The following PPP2R5D variants were observed in gnomAD, a reference collection of about 807,000 sequenced individuals.
PPP2R5D encodes the protein serine/threonine-protein phosphatase 2A 56 kDa regulatory subunit delta isoform.
A neutral mutation model predicts 79.1 loss-of-function variants in PPP2R5D; 12 were observed. That is an observed-to-expected ratio of 0.15 (90% confidence interval 0.10 to 0.25). The LOEUF (loss-of-function observed/expected upper bound fraction) is 0.25, where lower values mean the gene tolerates loss of function less well. PPP2R5D is among the 10% of genes least tolerant of loss of function. The pLI is 1.00. For missense variants in PPP2R5D, 419 were observed against 760.2 expected (o/e 0.55, Z 5.28); for synonymous variants, 277 against 286.6 (o/e 0.97, Z 0.34).
In PPP2R5D at chr6:43,009,366, G is replaced by C; in HGVS notation, c.1296G>C (p.Met432Ile). Residue 432 changes from methionine to isoleucine, a missense_variant, in exon 12 of 16, where the codon ATG becomes ATC. Transcript: ENST00000485511. The surrounding 1 kb of genome is among the most constrained non-coding windows in gnomAD (Gnocchi z 5.6). ...ATTACTGGAACAATGAGTACATCAT[G>C]AGCCTGATAAGTGACAATGCTGCCC... is the stretch of plus-strand genomic sequence containing the variant. Reference protein sequence around the residue: ...ALYYWNNEYIMSLISDNAARV... With the variant: ...ALYYWNNEYIISLISDNAARV... 6.2e-7 allele frequency: 1 copy of C among 1,614,066 alleles called. No individual in the cohort carries two copies. Among genetic ancestry groups the C allele is most frequent in the Non-Finnish European group, 8.5e-7 (1 of 1,180,026 alleles).
chr6:43,001,885 C>CA (rs564567354), intron 2 of PPP2R5D, among the ~76,000 whole-genome samples: 11,461 of 80,600 alleles, frequency 0.14, 1,003 homozygotes, highest in African/African-American at 0.25. Context: ...GACTCTGTCT[C>CA]AAAAAAAAAA....
Position 43,012,310 on chromosome 6 carries a change from T to C in PPP2R5D, c.*1024T>C. On this transcript the variant is annotated 3_prime_UTR_variant, in exon 16 of 16. Transcript: ENST00000485511. ...TTGGGCTTGGACCGATGTCCCCATA[T>C]GTACAGAACTGAATAAAGTGGGTCT... 2 of 1,411,624 alleles carry C rather than the reference T, an allele frequency of 1.4e-6. No individual in the cohort carries two copies. The highest frequency in any genetic ancestry group is 1.8e-6 in the Non-Finnish European group (2 of 1,081,932). The allele number at this position is 1,411,624 out of a possible 1,614,324, so 87.4% of individuals were successfully genotyped here.
At chr6:43,002,351 G>A (rs185056222) in intron 2 of PPP2R5D, among the ~76,000 whole-genome samples, 1 of 152,222 alleles carries the variant, frequency 6.6e-6, no homozygotes, top group African/African-American at 2.4e-5. Context: ...CTTTAGTAGA[G>A]GCAGGGTTTC....
At position 43,008,978 on chromosome 6, in the gene PPP2R5D, A is replaced by G; in HGVS notation, c.1081-79A>G. ...CAAACTGTGCCCACCAGGGTGGGGG[A>G]GAGAGCAGGTAGGAAAACTTCCTGG... On this transcript the variant is annotated intron_variant, in intron 10 of 15. Coordinates refer to ENST00000485511, the MANE Select transcript of PPP2R5D (RefSeq NM_006245.4). The surrounding 1 kb of genome is among the most constrained non-coding windows in gnomAD (Gnocchi z 4.2). 1 of 1,509,790 alleles carries G rather than the reference A, an allele frequency of 6.6e-7. No individual in the cohort carries two copies. Among genetic ancestry groups the G allele is most frequent in the South Asian group, 1.2e-5 (1 of 81,860 alleles). 93.5% of individuals were successfully genotyped at this position (1,509,790 alleles called of 1,614,324 possible). A position where few individuals can be genotyped will look rare whatever the true frequency, so the allele number is the denominator to read the frequency against.
chr6:43,001,840 T>C (rs1461279195), intron 2 of PPP2R5D, among the ~76,000 whole-genome samples: 3 of 150,734 alleles, frequency 2.0e-5, no homozygotes, highest in East Asian at 2.0e-4. Flanking sequence ...TGAGCTGAGA[T>C]TGCGCCACTG....
In PPP2R5D at chr6:43,008,231, G is replaced by T; in HGVS notation, c.888G>T (p.Gly296=). The part of the protein sequence containing the change: ...RFIYETEHHN[G]IAELLEILGS... Reference sequence around the variant, plus strand: ...TCTACGAGACGGAGCATCACAACGGGATTGCTGAGCTCCTGGAGATCCTGG... The same window carrying T: ...TCTACGAGACGGAGCATCACAACGGTATTGCTGAGCTCCTGGAGATCCTGG... The change falls in exon 8 of 16, where the codon GGG becomes GGT. Residue 296 remains glycine, a synonymous_variant. Coordinates refer to ENST00000485511, the MANE Select transcript of PPP2R5D (RefSeq NM_006245.4). This position sits in a 1 kb window ranked among gnomAD's most constrained non-coding sequence, Gnocchi z 4.2. 1 of 1,614,182 alleles carries T rather than the reference G, an allele frequency of 6.2e-7. No individual in the cohort carries two copies. The highest frequency in any genetic ancestry group is 8.5e-7 in the Non-Finnish European group (1 of 1,180,034).
intron 2 of PPP2R5D, among the ~76,000 whole-genome samples, chr6:42,994,122 C>T (rs1436681576): frequency 1.3e-5 from 2 of 152,048 alleles, no homozygotes. Context: ...GCCTGGCCAA[C>T]ATGGTGAAAC....
intron 2 of PPP2R5D, among the ~76,000 whole-genome samples, chr6:42,993,244 C>A (rs1771399197): frequency 6.6e-6 from 1 of 150,982 alleles, no homozygotes; most frequent in Non-Finnish European, 1.5e-5. Context: ...ATGCAGTGAG[C>A]CGATATTGCA....
intron 1 of PPP2R5D, among the ~76,000 whole-genome samples, chr6:42,988,053 A>G (rs1228568593): frequency 1.1e-4 from 17 of 152,114 alleles, no homozygotes; most frequent in Admixed American, 1.1e-3. Context: ...GCTCAGGCCA[A>G]AGAAGGAACT....
At position 43,007,654 on chromosome 6, in the gene PPP2R5D, A is replaced by G; in HGVS notation, c.726+148A>G. On this transcript the variant is annotated intron_variant, in intron 6 of 15. Coordinates refer to ENST00000485511, the MANE Select transcript of PPP2R5D (RefSeq NM_006245.4). The surrounding 1 kb of genome is among the most constrained non-coding windows in gnomAD (Gnocchi z 4.5). The stretch of plus-strand genomic sequence containing the variant: ...GGCTATAAAGGGTAAAAAACAAAAC[A>G]AAACAAAACCCTACTCTGGCCTTAA... 1.1e-6 allele frequency: 1 copy of G among 912,050 alleles called. No homozygotes were observed. Among genetic ancestry groups the G allele is most frequent in the South Asian group, 1.6e-5 (1 of 61,448 alleles). 56.5% of individuals were successfully genotyped at this position (912,050 alleles called of 1,614,324 possible).
Position 43,007,882 on chromosome 6 carries a change from T to A in PPP2R5D, c.727-53T>A. On this transcript the variant is annotated intron_variant, in intron 6 of 15. Transcript: ENST00000485511. This position sits in a 1 kb window ranked among gnomAD's most constrained non-coding sequence, Gnocchi z 4.5. ...GCGGGACCTATGTCACCCTGGCCAC[T>A]GCCTTCCCTGGCTGCTGCCTCACTG... The A allele has an allele frequency of 6.2e-7, 1 of 1,608,890 alleles. No individual in the cohort carries two copies. Among genetic ancestry groups the A allele is most frequent in the Non-Finnish European group, 8.5e-7 (1 of 1,176,128 alleles).
In PPP2R5D at chr6:43,008,829, G is replaced by A; in HGVS notation, c.1080+83G>A. 1.3e-6 allele frequency: 2 copies of A among 1,482,370 alleles called. No homozygotes were observed. Among genetic ancestry groups the A allele is most frequent in the Non-Finnish European group, 9.3e-7 (1 of 1,072,450 alleles). 91.8% of individuals were successfully genotyped at this position (1,482,370 alleles called of 1,614,324 possible). On this transcript the variant is annotated intron_variant, in intron 10 of 15. Transcript: ENST00000485511. This position sits in a 1 kb window ranked among gnomAD's most constrained non-coding sequence, Gnocchi z 4.2. ...CTGTACCTACTGGGGGTGCCATAAGGGGGAACTCAGGAGGGCTGTGACCTG... is the reference window on the plus strand; with the variant it reads ...CTGTACCTACTGGGGGTGCCATAAGAGGGAACTCAGGAGGGCTGTGACCTG...
At chr6:43,000,236 C>CTTTTTTTTTTTTTTTTTTTTTTT (rs1204045076) in intron 2 of PPP2R5D, among the ~76,000 whole-genome samples, 3 of 106,020 alleles carry the variant, frequency 2.8e-5, no homozygotes, top group South Asian at 3.1e-4. Context: ...GTCTGGCCAC[C>CTTTTTTTTTTTTTTTTTTTTTTT]TTTTTTTTTT....
intron 2 of PPP2R5D, among the ~76,000 whole-genome samples, chr6:42,992,243 T>G (rs1222950698): frequency 6.6e-6 from 1 of 152,098 alleles, no homozygotes; most frequent in African/African-American, 2.4e-5. Context: ...GTATTTTTAG[T>G]AGAGATGGGG....
At chr6:42,988,984 T>C (rs1459132988) in intron 1 of PPP2R5D, among the ~76,000 whole-genome samples, 6 of 152,362 alleles carry the variant, frequency 3.9e-5, no homozygotes, top group African/African-American at 4.8e-5. Context: ...GCTCACTCTT[T>C]GTAACAGTTC....
intron 2 of PPP2R5D, among the ~76,000 whole-genome samples, chr6:42,992,639 C>A (rs1771348984): frequency 6.6e-6 from 1 of 152,000 alleles, no homozygotes; most frequent in Non-Finnish European, 1.5e-5. Context: ...CATACAGAGA[C>A]CCTGTCTCTA....
chr6:43,005,413 C>T (rs567864121), intron 2 of PPP2R5D, among the ~76,000 whole-genome samples: 6 of 152,028 alleles, frequency 3.9e-5, no homozygotes, highest in African/African-American at 4.8e-5. Context: ...GTAGCTGGAA[C>T]TCCAGTAAGC....
In PPP2R5D at chr6:42,989,649, C is replaced by G; in HGVS notation, c.66C>G (p.Ser22Arg). ...TTGCCAAATGCACAGCCAAGCCTAG[C>G]AGCTCGGGCAAGGATGGTGGAGGCG... The part of the protein sequence containing the change: ...PKVAKCTAKP[S>R]SSGKDGGGEN... Residue 22 changes from serine (S) to arginine (R), a missense_variant, in exon 2 of 16, where the codon AGC (serine) becomes AGG (arginine). Ser to Arg is a moderately radical substitution (Grantham distance 110, BLOSUM62 -1). Transcript: ENST00000485511. 1.2e-6 allele frequency: 2 copies of G among 1,614,012 alleles called. No individual in the cohort carries two copies. Among genetic ancestry groups the G allele is most frequent in the Non-Finnish European group, 1.7e-6 (2 of 1,179,896 alleles).
At chr6:42,992,316 C>T (rs1215342476) in intron 2 of PPP2R5D, among the ~76,000 whole-genome samples, 1 of 152,168 alleles carries the variant, frequency 6.6e-6, no homozygotes, top group Non-Finnish European at 1.5e-5. Context: ...GCCTCGGCCT[C>T]CCAAAGTGCT....
Sources: gnomAD v4.1 joint callset for allele counts (sites outside exome capture counted in the v4.1 genomes callset) on GRCh38, gnomAD v4.1.1 for gene constraint, Gnocchi (gnomAD v3.1) non-coding constraint, MANE v1.5 for transcripts, NCBI Gene and HGNC (gene_info 2026-07-23, HGNC 2026-07-21) for gene names.